The following KRT38 variants were observed in gnomAD, a reference collection of about 807,000 sequenced individuals.
KRT38 encodes keratin 38, also known as keratin, type I cuticular Ha8.
KRT38 carries 45 observed loss-of-function variants against 43.1 expected under a neutral mutation model. The ratio of observed to expected loss-of-function variants is 1.04; its 90% CI spans 0.82 to 1.34. KRT38 has a LOEUF of 1.34. KRT38 is among the 40% of genes most tolerant of loss of function. The probability of loss-of-function intolerance (pLI) is 0.00; values close to 1 mark genes in which losing one functional copy is unlikely to be tolerated. For synonymous variants in KRT38, 258 were observed against 244.0 expected, an observed-to-expected ratio of 1.06 and a Z score of -0.53; for missense variants, 627 against 586.2, an observed-to-expected ratio of 1.07 and a Z score of -0.72.
intron 3 of KRT38, 104 bp downstream of exon 3, chr17:41,439,099 C>A (rs1207887005): frequency 5.3e-5 from 76 of 1,421,754 alleles, no homozygotes; most frequent in Non-Finnish European, 7.0e-5. Flanking sequence ...AGCCCTGCAT[C>A]CTGATGCCAG....
rs1241209168 is a variant in KRT38, at chr17:41,438,228, A to G, written c.1106T>C (p.Val369Ala). The G allele has an allele frequency of 4.3e-6, 7 of 1,613,862 alleles. No homozygotes were observed. Among genetic ancestry groups the G allele is most frequent in the African/African-American group, 1.3e-5 (1 of 74,826 alleles). Residue 369 changes from valine to alanine, a missense_variant, in exon 6 of 7, where the codon GTG becomes GCG. Physicochemically the swap from Val to Ala is moderately conservative, Grantham distance 64. Transcript: ENST00000246646. ...CCGGATCTCAGACAGCTGCTCCTCC[A>G]CGTTGCTGATGAGGCTCTGCATCTG... ...LAQMQSLISNVEEQLSEIRAD... is the reference protein window; with the variant it reads ...LAQMQSLISNAEEQLSEIRAD...
In KRT38 at chr17:41,440,725, C is replaced by T; in HGVS notation, c.197G>A (p.Ser66Asn). 1 of 1,614,092 alleles carries T rather than the reference C, an allele frequency of 6.2e-7. No homozygotes were observed. Among genetic ancestry groups the T allele is most frequent in the Non-Finnish European group, 8.5e-7 (1 of 1,179,932 alleles). ...GTGGCAGGTAGGCGGCAGACAGAGGCTGGGGCGGCCCAGGGGAGTGGACCC... is the reference window on the plus strand; with the variant it reads ...GTGGCAGGTAGGCGGCAGACAGAGGTTGGGGCGGCCCAGGGGAGTGGACCC... ...RVGSTPLGRP[S>N]LCLPPTCHTA... The change falls in exon 1 of 7, where the codon AGC (serine) becomes AAC (asparagine). Residue 66 changes from serine to asparagine, a missense_variant. By Grantham distance (46) the Ser-to-Asn change is conservative. Transcript: ENST00000246646.
chr17:41,438,935 C>A, intron 3 of KRT38, 77 bp from the exon 4 acceptor site: 2 of 1,537,376 alleles, frequency 1.3e-6, no homozygotes, highest in Non-Finnish European at 1.8e-6. Context: ...CAGGACCCCG[C>A]CCCTGGCAAG....
chr17:41,437,683 G>A, intron 6 of KRT38, 142 bp from the exon 7 acceptor site: 1 of 781,650 alleles, frequency 1.3e-6, no homozygotes, highest in Non-Finnish European at 1.9e-6. Context: ...AGCACCTAGT[G>A]AGCACCTCCA....
In KRT38 at chr17:41,436,810, T is replaced by G. The variant is rs2018730612; in HGVS notation, c.*602A>C. 1 of 152,222 alleles carries G rather than the reference T, an allele frequency of 6.6e-6. No individual in the cohort carries two copies. Among genetic ancestry groups the G allele is most frequent in the Non-Finnish European group, 1.5e-5 (1 of 68,048 alleles). 9.4% of individuals were successfully genotyped at this position (152,222 alleles called of 1,614,324 possible). The stretch of plus-strand genomic sequence containing the variant: ...GCCACAGAAAAGGCAAGCCTGGTCC[T>G]TTGTCAAAGCTAGAAACCCTGAAGT... On this transcript the variant is annotated 3_prime_UTR_variant, in exon 7 of 7. Transcript: ENST00000246646.
intron 3 of KRT38, 103 bp downstream of exon 3, chr17:41,439,100 C>G: frequency 7.0e-7 from 1 of 1,423,908 alleles, no homozygotes; most frequent in South Asian, 1.4e-5. Context: ...GCCCTGCATC[C>G]TGATGCCAGC....
rs115473151 is a variant in KRT38 at position 41,439,114 on chromosome 17, G to A, written c.732+89C>T. ...AGCCCTGCATCCTGATGCCAGCTGA[G>A]GCCAGGCAATGCTCTGAGAGCCCGG... is the stretch of plus-strand genomic sequence containing the variant. On this transcript the variant is annotated intron_variant, in intron 3 of 6. Coordinates refer to ENST00000246646, the MANE Select transcript of KRT38 (RefSeq NM_006771.4). 2.3e-4 allele frequency: 346 copies of A among 1,480,822 alleles called. 2 individuals carry two copies. In the African/African-American group the frequency reaches 4.5e-3, roughly 19 times the overall value. The allele number at this position is 1,480,822 out of a possible 1,614,324, so 91.7% of individuals were successfully genotyped here. A position where few individuals can be genotyped will look rare whatever the true frequency, so the allele number is the denominator to read the frequency against.
At position 41,440,922 on chromosome 17, in the gene KRT38, G is replaced by C. The variant is rs764804480; in HGVS notation, c.-1C>G. The C allele has an allele frequency of 4.6e-6, 7 of 1,526,842 alleles. No individual in the cohort carries two copies. Among genetic ancestry groups the C allele is most frequent in the Non-Finnish European group, 6.1e-6 (7 of 1,139,898 alleles). The allele number at this position is 1,526,842 out of a possible 1,614,324, so 94.6% of individuals were successfully genotyped here. ...AGGAGCTGCTGTAGGAAGAGGTCAT[G>C]GTGTTGGGCTGAGGCTGCACAGGAG... On this transcript the variant is annotated 5_prime_UTR_variant, in exon 1 of 7. Coordinates refer to ENST00000246646, the MANE Select transcript of KRT38 (RefSeq NM_006771.4).
In KRT38 at chr17:41,436,554, C is replaced by A. The variant is rs2018728381; in HGVS notation, c.*858G>T. The A allele has an allele frequency of 6.6e-6, 1 of 152,148 alleles. No homozygotes were observed. The highest frequency in any genetic ancestry group is 2.1e-4 in the South Asian group (1 of 4,814). 9.4% of individuals were successfully genotyped at this position (152,148 alleles called of 1,614,324 possible). On this transcript the variant is annotated 3_prime_UTR_variant, in exon 7 of 7. Transcript: ENST00000246646. ...AGAGGTGGAAGCACATCATACTTAG[C>A]AAATCTCTACCCATTGAATCAATAG...
At position 41,437,041 on chromosome 17, in the gene KRT38, T is replaced by A. The variant is rs1224661017; in HGVS notation, c.*371A>T. Reference sequence around the variant, plus strand: ...GGGAAATCTCAGACAGTGAAGTCTGTTCTTCACTTCCTTTGTCATAAACTA... The same window carrying A: ...GGGAAATCTCAGACAGTGAAGTCTGATCTTCACTTCCTTTGTCATAAACTA... On this transcript the variant is annotated 3_prime_UTR_variant, in exon 7 of 7. Transcript: ENST00000246646. 1 of 168,938 alleles carries A rather than the reference T, an allele frequency of 5.9e-6. No homozygotes were observed. The highest frequency in any genetic ancestry group is 1.3e-5 in the Non-Finnish European group (1 of 79,726). 10.5% of individuals were successfully genotyped at this position (168,938 alleles called of 1,614,324 possible). A position where few individuals can be genotyped will look rare whatever the true frequency, so the allele number is the denominator to read the frequency against.
chr17:41,438,332 G>C lies in KRT38; in HGVS notation c.1021-19C>G. On this transcript the variant is annotated intron_variant, in intron 5 of 6. Transcript: ENST00000246646. ...AGTCCTTCTGTAGTGGGAAATAAGG[G>C]GATAAAATATACAAGGCCCCAAGGG... is the stretch of plus-strand genomic sequence containing the variant. 2 of 1,610,138 alleles carry C rather than the reference G, an allele frequency of 1.2e-6. No homozygotes were observed. The highest frequency in any genetic ancestry group is 1.7e-6 in the Non-Finnish European group (2 of 1,177,048).
chr17:41,440,291 G>A, intron 1 of KRT38, 48 bp from the exon 2 acceptor site: 1 of 1,608,680 alleles, frequency 6.2e-7, no homozygotes, highest in Non-Finnish European at 8.5e-7. Flanking sequence ...CATGCCCTAG[G>A]CTCCTTCTCC....
At position 41,438,687 on chromosome 17, in the gene KRT38, C is replaced by T. The variant is rs199922181; in HGVS notation, c.894+10G>A. Reference sequence around the variant, plus strand: ...CAGGTACCCCCTGGTTCTATACCCCCCCCACTCACCTGGGCTTGGAACCAC... The same window carrying T: ...CAGGTACCCCCTGGTTCTATACCCCTCCCACTCACCTGGGCTTGGAACCAC... On this transcript the variant is annotated intron_variant, in intron 4 of 6. Coordinates refer to ENST00000246646, the MANE Select transcript of KRT38 (RefSeq NM_006771.4). 4 of 1,613,724 alleles carry T rather than the reference C, an allele frequency of 2.5e-6. No homozygotes were observed. The highest frequency in any genetic ancestry group is 2.2e-5 in the East Asian group (1 of 44,864).
In KRT38 at chr17:41,440,442, C is replaced by T. The variant is rs1372045717; in HGVS notation, c.480G>A (p.Glu160=). 19 of 1,613,398 alleles carry T rather than the reference C, an allele frequency of 1.2e-5. No individual in the cohort carries two copies. Among genetic ancestry groups the T allele is most frequent in the Non-Finnish European group, 1.5e-5 (18 of 1,179,434 alleles). ...DYQSYFHTIE[E]LQQKILCSKA... ...TCCCACACCTCACCTTCTGTTGGAG[C>T]TCCTCGATGGTGTGGAAGTAAGACT... The change falls in exon 1 of 7, where the codon GAG becomes GAA. Residue 160 remains glutamate (E), a synonymous_variant. Coordinates refer to ENST00000246646, the MANE Select transcript of KRT38 (RefSeq NM_006771.4).
Position 41,438,578 on chromosome 17 carries a change from C to T in KRT38, c.933G>A (p.Glu311=). ...TCTCCGACTGGCAGCACTGCAGCTC[C>T]TCGGAGCAGGACATGTCCTGCAGGC... The part of the protein sequence containing the change: ...GISLQDMSCS[E]ELQCCQSEIL... The change falls in exon 5 of 7, where the codon GAG becomes GAA. Residue 311 remains glutamate, a synonymous_variant. Coordinates refer to ENST00000246646, the MANE Select transcript of KRT38 (RefSeq NM_006771.4). The T allele has an allele frequency of 6.2e-7, 1 of 1,614,160 alleles. No individual in the cohort carries two copies. The highest frequency in any genetic ancestry group is 8.5e-7 in the Non-Finnish European group (1 of 1,180,020).
chr17:41,439,190 C>T lies in KRT38; in HGVS notation c.732+13G>A, dbSNP rs775293558. The T allele has an allele frequency of 2.5e-6, 4 of 1,611,974 alleles. No homozygotes were observed. The East Asian group carries it at 6.7e-5, about 27-fold the overall frequency. ...AGTGCCCTCCCCAGGAGTTTGAGCG[C>T]CCAGGGCCACACCTGCTCGTGGTTG... On this transcript the variant is annotated intron_variant, in intron 3 of 6. Transcript: ENST00000246646.
At chr17:41,437,594 A>G in intron 6 of KRT38, 53 bp from the exon 7 acceptor site, 14 of 1,523,064 alleles carry the variant, frequency 9.2e-6, no homozygotes, top group Non-Finnish European at 1.2e-5. Context: ...ATGGGGTCTC[A>G]GTGCCATGTG....
Position 41,440,850 on chromosome 17 carries a change from A to G in KRT38, c.72T>C (p.Ser24=). ...CTMAPGARNV[S]VSPIDIGCQP... is the part of the protein sequence containing the mutation. ...GGCACCCAATGTCGATGGGAGAGAC[A>G]GAGACATTTCTTGCTCCAGGAGCCA... The change falls in exon 1 of 7, where the codon TCT becomes TCC. Residue 24 remains serine (S), a synonymous_variant. Transcript: ENST00000246646. The G allele has an allele frequency of 6.3e-7, 1 of 1,591,590 alleles. No individual in the cohort carries two copies. Among genetic ancestry groups the G allele is most frequent in the Non-Finnish European group, 8.6e-7 (1 of 1,169,418 alleles).
In KRT38 at chr17:41,437,181, G is replaced by A. The variant is rs1353754640; in HGVS notation, c.*231C>T. On this transcript the variant is annotated 3_prime_UTR_variant, in exon 7 of 7. Coordinates refer to ENST00000246646, the MANE Select transcript of KRT38 (RefSeq NM_006771.4). ...TATGCCTCTCCAATCCAGATATTCTGAGCCACCATGGGTGGCTGCAATCCA... is the reference window on the plus strand; with the variant it reads ...TATGCCTCTCCAATCCAGATATTCTAAGCCACCATGGGTGGCTGCAATCCA... 9.9e-6 allele frequency: 4 copies of A among 402,618 alleles called. No individual in the cohort carries two copies. Among genetic ancestry groups the A allele is most frequent in the Non-Finnish European group, 1.7e-5 (4 of 231,586 alleles). The allele number at this position is 402,618 out of a possible 1,614,324, so 24.9% of individuals were successfully genotyped here.
Sources: allele counts gnomAD v4.1 joint callset, GRCh38; gene constraint gnomAD v4.1.1; transcripts MANE v1.5; gene names NCBI Gene and HGNC (gene_info 2026-07-23, HGNC 2026-07-21).